Variants in PDE1C observed in about 807,000 individuals in gnomAD.
PDE1C encodes the protein phosphodiesterase 1C, also known as dual specificity calcium/calmodulin-dependent 3',5'-cyclic nucleotide phosphodiesterase 1C.
Under a neutral mutation model 93.1 loss-of-function variants are expected in PDE1C, and 62 were observed. That is an observed-to-expected ratio of 0.67 (90% CI 0.54 to 0.82). The LOEUF (loss-of-function observed/expected upper bound fraction) is 0.82, where lower values mean the gene tolerates loss of function less well. PDE1C is among the 40% of genes least tolerant of loss of function. PDE1C has a pLI of 0.00. For synonymous variants in PDE1C, 325 were observed against 310.1 expected (o/e 1.05, Z -0.50); for missense variants, 742 against 884.6 (o/e 0.84, Z 2.04).
rs60958547 is a variant in PDE1C, at chr7:31,895,580, T to TTCTCTCTCTCTCTCTC, written c.129-14736_129-14721dup. Among the ~76,000 whole-genome samples, 285 of 144,906 alleles carry TTCTCTCTCTCTCTCTC rather than the reference T, an allele frequency of 2.0e-3. 2 individuals are homozygous for TTCTCTCTCTCTCTCTC. The highest frequency in any genetic ancestry group is 6.4e-3 in the African/African-American group (247 of 38,542). ...TTGGATTATTATTAGTTTCTCTCTT[T>TTCTCTCTCTCTCTCTC]TCTCTCTCTCTCTCTCTCTCTCTCT... On this transcript the variant is annotated intron_variant, in intron 2 of 17. Transcript: ENST00000396191.
the PDE1C span, among the ~76,000 whole-genome samples, chr7:31,659,507 G>T: frequency 1.3e-5 from 2 of 152,158 alleles, no homozygotes; most frequent in African/African-American, 4.8e-5. Context: ...AGGCTTCAGG[G>T]CCAGATAGCG....
At chr7:31,988,695 T>C (rs541037422) in intron 2 of PDE1C, among the ~76,000 whole-genome samples, 77 of 152,112 alleles carry the variant, frequency 5.1e-4, no homozygotes, top group African/African-American at 1.8e-3. Context: ...CCCTGTCTCT[T>C]ATAAAAACAA....
intron 2 of PDE1C, among the ~76,000 whole-genome samples, chr7:31,884,035 C>A (rs1043499079): frequency 6.6e-6 from 1 of 152,090 alleles, no homozygotes; most frequent in Non-Finnish European, 1.5e-5. Context: ...CTTTTGGATG[C>A]GTGGGAGGCA....
intron 3 of PDE1C, among the ~76,000 whole-genome samples, chr7:32,105,098 A>G (rs1304798014): frequency 6.6e-6 from 1 of 152,228 alleles, no homozygotes; most frequent in Admixed American, 6.5e-5. Flanking sequence ...CAAAAATTCC[A>G]TGGTTGCATT....
chr7:31,689,517 G>A, the PDE1C span, among the ~76,000 whole-genome samples: 3 of 152,102 alleles, frequency 2.0e-5, no homozygotes, highest in Non-Finnish European at 4.4e-5. Flanking sequence ...AGAGGAAGGC[G>A]TGGGTAGAGT....
At chr7:31,947,024 G>A (rs1295152887) in intron 2 of PDE1C, among the ~76,000 whole-genome samples, 1 of 152,198 alleles carries the variant, frequency 6.6e-6, no homozygotes. Flanking sequence ...GATGCCAGAG[G>A]TCTGAAAATT....
At chr7:31,697,167 A>G in the PDE1C span, 1 of 1,594,830 alleles carries the variant, frequency 6.3e-7, no homozygotes, top group Non-Finnish European at 8.5e-7. Context: ...GGACAGGTCA[A>G]GAACCTTACC....
chr7:31,633,079 G>A, the PDE1C span, among the ~76,000 whole-genome samples: 3 of 151,948 alleles, frequency 2.0e-5, no homozygotes, highest in African/African-American at 4.8e-5. Context: ...TAAAGACAGG[G>A]TTTCACCATG....
chr7:31,963,382 A>G (rs757419433), intron 2 of PDE1C, among the ~76,000 whole-genome samples: 2 of 152,184 alleles, frequency 1.3e-5, no homozygotes, highest in Non-Finnish European at 2.9e-5. Flanking sequence ...AATGATTTTC[A>G]TCTTAAAAAA....
At chr7:32,262,005 ATTTTTTTTTTT>A (rs11325736) in intron 1 of PDE1C, among the ~76,000 whole-genome samples, 5 of 89,778 alleles carry the variant, frequency 5.6e-5, no homozygotes, top group African/African-American at 1.7e-4. Flanking sequence ...TTGCTTTGGG[ATTTTTTTTTTT>A]TTTTTTTTTT....
chr7:32,317,098 T>C (rs1783190578), intron 1 of PDE1C, among the ~76,000 whole-genome samples: 2 of 152,130 alleles, frequency 1.3e-5, no homozygotes, highest in East Asian at 1.9e-4. Context: ...ACAAGGAAAG[T>C]AGAACTGTGC....
the PDE1C span, among the ~76,000 whole-genome samples, chr7:31,668,700 G>A: frequency 6.6e-6 from 1 of 152,304 alleles, no homozygotes; most frequent in East Asian, 1.9e-4. Flanking sequence ...GGGAGTGACT[G>A]TGACTGGATA....
chr7:31,829,297 G>A (rs1033349890), intron 11 of PDE1C, among the ~76,000 whole-genome samples: 1 of 151,928 alleles, frequency 6.6e-6, no homozygotes, highest in African/African-American at 2.4e-5. Flanking sequence ...TACCTCATAG[G>A]GTTATAAGGA....
At chr7:32,092,995 C>G (rs1797560150) in intron 3 of PDE1C, among the ~76,000 whole-genome samples, 1 of 152,206 alleles carries the variant, frequency 6.6e-6, no homozygotes, top group African/African-American at 2.4e-5. Context: ...TCTAAGGTGA[C>G]AGGCTATCCT....
chr7:32,250,599 G>A lies in PDE1C; in HGVS notation c.86-41060C>T, dbSNP rs189164354. ...ATGTCAGTGCTGTCTCTCTAATGTCGTGAGGACTATAAATAAAATGTTTTA... is the reference window on the plus strand; with the variant it reads ...ATGTCAGTGCTGTCTCTCTAATGTCATGAGGACTATAAATAAAATGTTTTA... On this transcript the variant is annotated intron_variant, in intron 1 of 18. Coordinates refer to the PDE1C transcript ENST00000396193. Among the ~76,000 whole-genome samples the A allele has an allele frequency of 9.2e-5, 14 of 152,200 alleles. No individual in the cohort carries two copies. In the East Asian group the frequency reaches 1.2e-3, roughly 13 times the overall value.
chr7:32,109,377 A>G (rs1798521203), intron 3 of PDE1C, among the ~76,000 whole-genome samples: 1 of 152,188 alleles, frequency 6.6e-6, no homozygotes, highest in South Asian at 2.1e-4. Flanking sequence ...AATAGAATCT[A>G]TTTTTGATTC....
At chr7:32,008,633 T>C (rs1163649614) in intron 2 of PDE1C, among the ~76,000 whole-genome samples, 1 of 152,174 alleles carries the variant, frequency 6.6e-6, no homozygotes, top group Non-Finnish European at 1.5e-5. Flanking sequence ...AAAAATCCTA[T>C]AGGCTAGTGA....
chr7:32,052,375 C>T, intron 1 of PDE1C: 2 of 461,836 alleles, frequency 4.3e-6, no homozygotes, highest in East Asian at 6.4e-5. Flanking sequence ...GTCAGAGTGG[C>T]AGACAAGGAG....
chr7:32,327,441 C>T (rs938149244), intron 1 of PDE1C, among the ~76,000 whole-genome samples: 1 of 152,128 alleles, frequency 6.6e-6, no homozygotes, highest in African/African-American at 2.4e-5. Context: ...CCAAAGGTAA[C>T]ATTATCTGGG....
Sources: gnomAD v4.1 joint callset for allele counts (sites outside exome capture counted in the v4.1 genomes callset) on GRCh38, gnomAD v4.1.1 for gene constraint, MANE v1.5 for transcripts, NCBI Gene and HGNC (gene_info 2026-07-23, HGNC 2026-07-21) for gene names.